TEX11: variants seen among roughly 807,000 people sequenced by gnomAD.
TEX11 encodes testis-expressed protein 11.
In TEX11, 7 loss-of-function variants were observed where a neutral mutation model predicts 84.4. The observed-to-expected ratio is 0.08, with a 90% confidence interval of 0.05 to 0.16. TEX11 has a LOEUF of 0.16. TEX11 is among the 10% of genes least tolerant of loss of function. The pLI is 1.00. For missense variants in TEX11, 551 were observed against 660.5 expected, an observed-to-expected ratio of 0.83 and a Z score of 1.82; for synonymous variants, 264 against 222.8, an observed-to-expected ratio of 1.18 and a Z score of -1.64.
chrX:70,817,135 A>AG (rs147704584), intron 8 of TEX11, among the ~76,000 whole-genome samples: 36 of 107,313 alleles, frequency 3.4e-4, no homozygotes, highest in African/African-American at 1.1e-3. Flanking sequence ...ATAGATAGAT[A>AG]ATAAATAATA....
intron 28 of TEX11, among the ~76,000 whole-genome samples, chrX:70,540,095 G>A (rs2088022470): frequency 9.0e-6 from 1 of 111,597 alleles, no homozygotes; most frequent in Non-Finnish European, 1.9e-5. Flanking sequence ...AGGTTTAAAT[G>A]AGATCCAGAG....
chrX:70,811,646 T>C (rs1161505036), intron 8 of TEX11, among the ~76,000 whole-genome samples: 1 of 110,856 alleles, frequency 9.0e-6, no homozygotes, highest in Non-Finnish European at 1.9e-5. Flanking sequence ...CCACCAACAG[T>C]GTAAAAGTGT....
At chrX:70,558,608 G>A (rs1002351356) in intron 25 of TEX11, among the ~76,000 whole-genome samples, 1 of 111,670 alleles carries the variant, frequency 9.0e-6, no homozygotes, top group Non-Finnish European at 1.9e-5. Context: ...TATTTCAAAG[G>A]ACATGATCAA....
At position 70,656,623 on chromosome X, in the gene TEX11, G is replaced by A. The variant is rs759228921; in HGVS notation, c.1381-5071C>T. The stretch of plus-strand genomic sequence containing the variant: ...AGAAACACAAGTGGGTGGAGAAAAA[G>A]CAACAACAGCTACAAGACCTGCATT... On this transcript the variant is annotated intron_variant, in intron 16 of 29. Transcript: ENST00000374333. Among the ~76,000 whole-genome samples the A allele has an allele frequency of 1.0e-3, 112 of 110,908 alleles. 2 individuals carry two copies. In the Admixed American group the frequency reaches 0.011, roughly 11 times the overall value.
chrX:70,795,479 T>C (rs933784540), intron 9 of TEX11, among the ~76,000 whole-genome samples: 2 of 110,879 alleles, frequency 1.8e-5, no homozygotes, highest in Non-Finnish European at 3.8e-5. Flanking sequence ...CCCTCGTTCA[T>C]TAAGCAAACA....
chrX:70,675,690 C>T (rs2090065356), intron 15 of TEX11, among the ~76,000 whole-genome samples: 1 of 110,273 alleles, frequency 9.1e-6, no homozygotes, highest in African/African-American at 3.3e-5. Context: ...AGTGCAGTGG[C>T]ACAAACTTGG....
intron 13 of TEX11, among the ~76,000 whole-genome samples, chrX:70,707,687 T>C (rs2090388606): frequency 9.0e-6 from 1 of 111,633 alleles, no homozygotes; most frequent in Non-Finnish European, 1.9e-5. Flanking sequence ...TAGGGAAATG[T>C]GTGTTTGTTA....
At chrX:70,567,809 A>C (rs2088514644) in intron 25 of TEX11, among the ~76,000 whole-genome samples, 1 of 111,311 alleles carries the variant, frequency 9.0e-6, no homozygotes, top group South Asian at 3.8e-4. Flanking sequence ...TTTGCTGAGG[A>C]GAGCTTTACT....
chrX:70,524,862 G>A (rs1261404058), downstream of TEX11, among the ~76,000 whole-genome samples: 1 of 112,418 alleles, frequency 8.9e-6, no homozygotes, highest in African/African-American at 3.2e-5. Context: ...ACCACACCCA[G>A]CCAATTAGAT....
At chrX:70,601,534 C>CTTTTTT (rs1182961993) in intron 24 of TEX11, among the ~76,000 whole-genome samples, 711 of 62,666 alleles carry the variant, frequency 0.011, no homozygotes, top group Non-Finnish European at 0.014. Context: ...CAGCATCATT[C>CTTTTTT]TTTTTTTTTT....
intron 9 of TEX11, among the ~76,000 whole-genome samples, chrX:70,781,669 T>C (rs1392502871): frequency 8.9e-6 from 1 of 111,798 alleles, no homozygotes; most frequent in Non-Finnish European, 1.9e-5. Flanking sequence ...TCGTGACACA[T>C]GTACAGGCTT....
downstream of TEX11, among the ~76,000 whole-genome samples, chrX:70,526,567 TAAA>T (rs528016287): frequency 1.2e-5 from 1 of 80,794 alleles, no homozygotes; most frequent in African/African-American, 4.6e-5. Context: ...AGACTCCGTC[TAAA>T]AAAAAAAAAA....
downstream of TEX11, among the ~76,000 whole-genome samples, chrX:70,526,853 C>T (rs1190499705): frequency 2.7e-5 from 3 of 110,968 alleles, no homozygotes; most frequent in Non-Finnish European, 5.6e-5. Context: ...ACAAGATAAG[C>T]TCTGGTGCAT....
At chrX:70,803,802 C>T (rs2091202647) in intron 9 of TEX11, among the ~76,000 whole-genome samples, 1 of 111,023 alleles carries the variant, frequency 9.0e-6, no homozygotes, top group African/African-American at 3.3e-5. Context: ...CTTGCATCAC[C>T]AACTGCTGCC....
chrX:70,894,823 A>T (rs1393596774), intron 2 of TEX11, among the ~76,000 whole-genome samples: 1 of 111,666 alleles, frequency 9.0e-6, no homozygotes, highest in African/African-American at 3.3e-5. Flanking sequence ...GCCTTTAATA[A>T]AATTCAACAG....
At chrX:70,691,346 C>T (rs927956283) in intron 13 of TEX11, among the ~76,000 whole-genome samples, 4 of 111,788 alleles carry the variant, frequency 3.6e-5, no homozygotes, top group Admixed American at 9.5e-5. Flanking sequence ...AGCAGGGTCT[C>T]GAACAGATAT....
intron 4 of TEX11, among the ~76,000 whole-genome samples, chrX:70,869,320 T>A (rs2091618456): frequency 9.3e-6 from 1 of 108,080 alleles, no homozygotes; most frequent in Non-Finnish European, 1.9e-5. Flanking sequence ...AAAAAAAAAA[T>A]CAACTAACCC....
chrX:70,626,302 T>C (rs1469185526), intron 18 of TEX11, among the ~76,000 whole-genome samples: 1 of 110,766 alleles, frequency 9.0e-6, no homozygotes, highest in Admixed American at 9.6e-5. Flanking sequence ...TACCAAGCCT[T>C]TACTTGTACC....
chrX:70,672,373 A>G (rs764494323), intron 15 of TEX11, among the ~76,000 whole-genome samples: 20 of 111,957 alleles, frequency 1.8e-4, no homozygotes, highest in Non-Finnish European at 3.8e-5. Context: ...GTACATACAT[A>G]GGATTGAAAT....
Sources: allele counts gnomAD v4.1 joint callset (sites outside exome capture counted in the v4.1 genomes callset), GRCh38; gene constraint gnomAD v4.1.1; transcripts MANE v1.5; gene names NCBI Gene and HGNC (gene_info 2026-07-23, HGNC 2026-07-21).